The following GRIP1 variants were observed in gnomAD, a reference collection of about 807,000 sequenced individuals.
GRIP1 encodes glutamate receptor-interacting protein 1.
Under a neutral mutation model 129.9 loss-of-function variants are expected in GRIP1, and 45 were observed. The observed-to-expected ratio is 0.35, with a 90% CI of 0.27 to 0.44. The LOEUF (loss-of-function observed/expected upper bound fraction) is 0.44, where lower values mean the gene tolerates loss of function less well. Ranked by LOEUF, GRIP1 falls within the 20% of genes least tolerant of loss-of-function variation. The pLI is 1.00. For synonymous variants in GRIP1, 530 were observed against 520.8 expected (o/e 1.02, Z -0.24); for missense variants, 1,196 against 1,396.8 (o/e 0.86, Z 2.29).
At chr12:66,682,726 A>T (rs757861735), upstream of GRIP1, among the ~76,000 whole-genome samples, 11 of 152,180 alleles carry the variant, frequency 7.2e-5, no homozygotes, top group Admixed American at 2.0e-4. Context: ...ATAAACCAAA[A>T]ATGTTCTGCC....
intron 1 of GRIP1, among the ~76,000 whole-genome samples, chr12:66,974,483 G>A (rs987279840): frequency 6.6e-6 from 1 of 152,150 alleles, no homozygotes; most frequent in African/African-American, 2.4e-5. Context: ...TCACTATGTA[G>A]TTGTTGTATA....
At chr12:66,430,269 T>C (rs533612233) in intron 14 of GRIP1, among the ~76,000 whole-genome samples, 94 of 152,276 alleles carry the variant, frequency 6.2e-4, no homozygotes, top group African/African-American at 2.1e-3. Flanking sequence ...GTATTTCCCA[T>C]GAGGAGACAC....
At chr12:66,410,603 A>C (rs1306510681) in intron 15 of GRIP1, among the ~76,000 whole-genome samples, 1 of 152,072 alleles carries the variant, frequency 6.6e-6, no homozygotes, top group African/African-American at 2.4e-5. Flanking sequence ...AGATTGCACC[A>C]CATCACTCAG....
intron 1 of GRIP1, among the ~76,000 whole-genome samples, chr12:66,754,766 G>A (rs556757626): frequency 6.6e-6 from 1 of 152,216 alleles, no homozygotes; most frequent in African/African-American, 2.4e-5. Context: ...GAAAACGGGA[G>A]GATAGAAAGT....
chr12:66,700,441 T>G (rs1271239958), intron 1 of GRIP1, among the ~76,000 whole-genome samples: 4 of 151,724 alleles, frequency 2.6e-5, no homozygotes, highest in African/African-American at 9.7e-5. Flanking sequence ...CTTTTTTTTT[T>G]TTTTTTAAAT....
At chr12:66,587,625 T>A (rs1256472302) in intron 2 of GRIP1, among the ~76,000 whole-genome samples, 4 of 152,152 alleles carry the variant, frequency 2.6e-5, no homozygotes, top group Admixed American at 2.6e-4. Flanking sequence ...AATTACATGT[T>A]GAATGAATGT....
At chr12:66,515,304 A>G (rs2060812337) in intron 7 of GRIP1, among the ~76,000 whole-genome samples, 1 of 152,060 alleles carries the variant, frequency 6.6e-6, no homozygotes, top group South Asian at 2.1e-4. Flanking sequence ...AGTTAATAAT[A>G]CTATTTTTGT....
intron 2 of GRIP1, among the ~76,000 whole-genome samples, chr12:66,579,020 A>G (rs887938111): frequency 1.3e-5 from 2 of 152,212 alleles, no homozygotes; most frequent in African/African-American, 4.8e-5. Context: ...CAGTAGGGGC[A>G]GACTGACACC....
At chr12:66,617,933 T>C (rs979743052) in intron 1 of GRIP1, among the ~76,000 whole-genome samples, 1 of 151,994 alleles carries the variant, frequency 6.6e-6, no homozygotes, top group African/African-American at 2.4e-5. Flanking sequence ...TATGATCTGA[T>C]ATAACCTTTA....
intron 1 of GRIP1, among the ~76,000 whole-genome samples, chr12:66,674,353 A>T (rs2034225852): frequency 6.6e-6 from 1 of 152,226 alleles, no homozygotes; most frequent in African/African-American, 2.4e-5. Flanking sequence ...ACTGATACTG[A>T]ACTCTGTGAT....
intron 1 of GRIP1, among the ~76,000 whole-genome samples, chr12:66,652,757 G>A (rs1047640623): frequency 1.3e-5 from 2 of 152,178 alleles, no homozygotes; most frequent in Admixed American, 1.3e-4. Context: ...TGTGACCAAA[G>A]CTGATTTCAA....
At chr12:66,429,656 G>A (rs1196726048) in intron 14 of GRIP1, among the ~76,000 whole-genome samples, 4 of 152,036 alleles carry the variant, frequency 2.6e-5, no homozygotes, top group African/African-American at 7.2e-5. Flanking sequence ...TAATAGTGCC[G>A]CTGCACTCCA....
At chr12:66,453,416 C>A (rs2058864964) in intron 11 of GRIP1, among the ~76,000 whole-genome samples, 1 of 152,168 alleles carries the variant, frequency 6.6e-6, no homozygotes, top group African/African-American at 2.4e-5. Context: ...TAAAAAAATT[C>A]ATACACAAAT....
At chr12:66,976,078 C>T (rs897676577) in intron 1 of GRIP1, among the ~76,000 whole-genome samples, 4 of 152,200 alleles carry the variant, frequency 2.6e-5, no homozygotes, top group Admixed American at 2.6e-4. Flanking sequence ...GTTGCATAGG[C>T]TTGGGCTCCA....
intron 2 of GRIP1, among the ~76,000 whole-genome samples, chr12:66,593,728 G>T (rs547267362): frequency 1.2e-4 from 19 of 152,242 alleles, no homozygotes; most frequent in African/African-American, 4.6e-4. Context: ...GGACCACTGG[G>T]AGTGGAGCTT....
chr12:66,740,079 T>G (rs984013202), intron 1 of GRIP1, among the ~76,000 whole-genome samples: 16 of 152,152 alleles, frequency 1.1e-4, no homozygotes, highest in Admixed American at 2.0e-4. Flanking sequence ...ATGCCCTTAA[T>G]GTGAACTAAG....
intron 4 of GRIP1, among the ~76,000 whole-genome samples, chr12:66,536,909 G>A (rs1027412637): frequency 6.6e-6 from 1 of 152,084 alleles, no homozygotes; most frequent in African/African-American, 2.4e-5. Context: ...AGAGCAAAAA[G>A]CTATCTCAGG....
At chr12:66,583,151 T>G (rs1309854599) in intron 2 of GRIP1, among the ~76,000 whole-genome samples, 1 of 151,804 alleles carries the variant, frequency 6.6e-6, no homozygotes, top group African/African-American at 2.4e-5. Context: ...AAACAAGCAA[T>G]GGCGAAAGGA....
At chr12:66,920,327 C>G (rs534798642) in intron 1 of GRIP1, among the ~76,000 whole-genome samples, 1 of 152,272 alleles carries the variant, frequency 6.6e-6, no homozygotes, top group Admixed American at 6.5e-5. Flanking sequence ...CTTAATGTCT[C>G]CTGGCCCACT....
Sources: gnomAD v4.1 joint callset for allele counts (sites outside exome capture counted in the v4.1 genomes callset) on GRCh38, gnomAD v4.1.1 for gene constraint, MANE v1.5 for transcripts, NCBI Gene and HGNC (gene_info 2026-07-23, HGNC 2026-07-21) for gene names.